PGAP2: variants seen among roughly 807,000 people sequenced by gnomAD.
PGAP2 encodes acyltransferase PGAP2.
Under a neutral mutation model 33.2 loss-of-function variants are expected in PGAP2, and 21 were observed. The ratio of observed to expected loss-of-function variants is 0.63; its 90% CI spans 0.45 to 0.91. The LOEUF (loss-of-function observed/expected upper bound fraction) is 0.91. Ranked by LOEUF, PGAP2 falls within the 40% of genes least tolerant of loss-of-function variation. PGAP2 has a pLI of 0.00. For synonymous variants in PGAP2, 161 were observed against 172.9 expected (o/e 0.93, Z 0.54); for missense variants, 345 against 424.0 (o/e 0.81, Z 1.64).
chr11:3,807,597 C>A (rs531707385), upstream of PGAP2, among the ~76,000 whole-genome samples: 24 of 152,092 alleles, frequency 1.6e-4, no homozygotes, highest in African/African-American at 5.8e-4. Context: ...CGTGAGCTAC[C>A]GCGCCTGGCC....
chr11:3,825,019 G>T lies in PGAP2; in HGVS notation c.709-1G>T. The T allele has an allele frequency of 6.2e-7, 1 of 1,614,140 alleles. No homozygotes were observed. Among genetic ancestry groups the T allele is most frequent in the East Asian group, 2.2e-5 (1 of 44,886 alleles). ...GAGTGATCAGACAGCCCATTCCCTA[G>T]GATCGCAAGTCCTACAGCTGGAAAC... On this transcript the variant is annotated splice_acceptor_variant, in intron 5 of 6. Coordinates refer to ENST00000278243, the MANE Select transcript of PGAP2 (RefSeq NM_014489.4). LOFTEE classifies it high-confidence loss of function.
chr11:3,812,775 C>T (rs1189898840), intron 2 of PGAP2, among the ~76,000 whole-genome samples: 1 of 152,136 alleles, frequency 6.6e-6, no homozygotes, highest in Non-Finnish European at 1.5e-5. Context: ...GGTGGAGCCC[C>T]ACTTCTTTAC....
chr11:3,804,056 G>C (rs1465059586), upstream of PGAP2, among the ~76,000 whole-genome samples: 2 of 152,062 alleles, frequency 1.3e-5, no homozygotes, highest in African/African-American at 4.8e-5. Context: ...CTACCAAAGT[G>C]CTGGGATTAC....
At chr11:3,822,257 G>A (rs1436071366) in intron 3 of PGAP2, among the ~76,000 whole-genome samples, 8 of 152,154 alleles carry the variant, frequency 5.3e-5, no homozygotes, top group Non-Finnish European at 8.8e-5. Context: ...CCAGCTACTC[G>A]GGAGGCTGAG....
At chr11:3,823,473 A>T (rs767060644) in intron 3 of PGAP2, 19 of 819,688 alleles carry the variant, frequency 2.3e-5, no homozygotes, top group Non-Finnish European at 3.5e-5. Context: ...GTTCTAAGGA[A>T]GCTCAGATGG....
At chr11:3,810,688 G>A (rs1590210641) in intron 1 of PGAP2, among the ~76,000 whole-genome samples, 1 of 152,338 alleles carries the variant, frequency 6.6e-6, no homozygotes, top group East Asian at 1.9e-4. Context: ...AGGGGGCTTG[G>A]GGTTCTGTCA....
chr11:3,799,832 T>C lies in PGAP2; in HGVS notation c.139+1850T>C, dbSNP rs565474151. 1.5e-4 allele frequency among the ~76,000 whole-genome samples: 23 copies of C among 152,182 alleles called. No individual in the cohort carries two copies. In the South Asian group the frequency reaches 4.6e-3, roughly 30 times the overall value. Reference sequence around the variant, plus strand: ...AAAAATTAACCAAGGCCAGGTGTGGTGGCAAGCGCCTGTGGTCCCAGCTAC... The same window carrying C: ...AAAAATTAACCAAGGCCAGGTGTGGCGGCAAGCGCCTGTGGTCCCAGCTAC... On this transcript the variant is annotated intron_variant, in intron 1 of 6. Transcript: ENST00000300730.
chr11:3,824,495 G>A (rs746729833), intron 5 of PGAP2, 119 bp downstream of exon 5: 11 of 1,479,008 alleles, frequency 7.4e-6, no homozygotes, highest in South Asian at 1.2e-5. Flanking sequence ...CCCTGGCAGA[G>A]GGGTGCTGGG....
chr11:3,818,075 A>AC, intron 3 of PGAP2: 1 of 304,518 alleles, frequency 3.3e-6, no homozygotes, highest in Non-Finnish European at 6.4e-6. Flanking sequence ...AAAAAAAAAA[A>AC]CAGCAGGCTG....
chr11:3,816,003 C>T (rs558045015), intron 2 of PGAP2, among the ~76,000 whole-genome samples: 6 of 152,348 alleles, frequency 3.9e-5, no homozygotes, highest in South Asian at 2.1e-4. Context: ...TCCCTGCCCC[C>T]ATCACTGGCA....
intron 1 of PGAP2, among the ~76,000 whole-genome samples, chr11:3,800,174 C>T (rs971039042): frequency 2.6e-5 from 4 of 152,198 alleles, no homozygotes; most frequent in Non-Finnish European, 4.4e-5. Context: ...CAACCACACT[C>T]CCTTGCCTTT....
intron 3 of PGAP2, among the ~76,000 whole-genome samples, chr11:3,821,424 C>T (rs1042726918): frequency 6.6e-6 from 1 of 152,240 alleles, no homozygotes; most frequent in African/African-American, 2.4e-5. Context: ...AAAGTGTGGG[C>T]AATGGACTGG....
intron 6 of PGAP2, 25 bp from the exon 7 acceptor site, chr11:3,825,303 C>T: frequency 4.3e-6 from 7 of 1,609,548 alleles, no homozygotes; most frequent in Non-Finnish European, 5.9e-6. Context: ...TTCACCATGT[C>T]CTGTTCCTTG....
chr11:3,802,355 C>A (rs1429988718), intron 1 of PGAP2, among the ~76,000 whole-genome samples: 6 of 152,156 alleles, frequency 3.9e-5, no homozygotes, highest in Admixed American at 1.3e-4. Flanking sequence ...CTTTGTGAAG[C>A]CAGGGGTTCC....
At chr11:3,809,724 T>G (rs1350926776) in intron 1 of PGAP2, among the ~76,000 whole-genome samples, 1 of 152,202 alleles carries the variant, frequency 6.6e-6, no homozygotes, top group Non-Finnish European at 1.5e-5. Context: ...GAATGTGTTT[T>G]TTTTCTGGGA....
intron 1 of PGAP2, among the ~76,000 whole-genome samples, chr11:3,801,950 C>CTAAATAAA (rs112517361): frequency 6.6e-6 from 1 of 151,738 alleles, no homozygotes; most frequent in Non-Finnish European, 1.5e-5. Context: ...GATTCTGTCT[C>CTAAATAAA]TAAATAAATA....
rs1465890582 is a variant in PGAP2 at position 3,825,122 on chromosome 11, G to T, written c.811G>T (p.Ala271Ser). 2 of 1,614,048 alleles carry T rather than the reference G, an allele frequency of 1.2e-6. No individual in the cohort carries two copies. The highest frequency in any genetic ancestry group is 1.1e-5 in the South Asian group (1 of 91,090). The change falls in exon 6 of 7, where the codon GCT (alanine) becomes TCT (serine). Residue 271 changes from alanine (A) to serine (S), a missense_variant. Transcript: ENST00000278243. ...CTTTCGGCACAACATGTATTGTGAG[G>T]CTGGAGGTGAGGCCAGGATAGGATC... ...VYFRHNMYCE[A>S]GVYTIFAILE...
chr11:3,804,206 A>G (rs59006142), upstream of PGAP2, among the ~76,000 whole-genome samples: 6,865 of 152,164 alleles, frequency 0.045, 533 homozygotes, highest in African/African-American at 0.16. Context: ...TGTCATGCTC[A>G]TAAATACCTT....
upstream of PGAP2, chr11:3,808,211 G>A (rs2084792522): frequency 1.3e-6 from 2 of 1,514,398 alleles, no homozygotes; most frequent in Admixed American, 2.0e-5. Context: ...AGTTCGGTTA[G>A]AATGGAGGTG....
Sources: allele counts gnomAD v4.1 joint callset (sites outside exome capture counted in the v4.1 genomes callset), GRCh38; gene constraint gnomAD v4.1.1; transcripts MANE v1.5; gene names NCBI Gene and HGNC (gene_info 2026-07-23, HGNC 2026-07-21).